ADCY2: variants seen among roughly 807,000 people sequenced by gnomAD.
ADCY2 encodes adenylate cyclase 2.
ADCY2 carries 31 observed loss-of-function variants against 125.2 expected under a neutral mutation model. That is an observed-to-expected ratio of 0.25 (90% CI 0.19 to 0.33). The LOEUF (loss-of-function observed/expected upper bound fraction) is 0.33, where lower values mean the gene tolerates loss of function less well. ADCY2 is among the 10% of genes least tolerant of loss of function. ADCY2 has a pLI of 1.00. For missense variants in ADCY2, 904 were observed against 1,418.2 expected, an observed-to-expected ratio of 0.64 and a Z score of 5.82; for synonymous variants, 512 against 548.4, an observed-to-expected ratio of 0.93 and a Z score of 0.93.
intron 4 of ADCY2, among the ~76,000 whole-genome samples, chr5:7,644,676 T>C (rs1371345241): frequency 6.6e-6 from 1 of 152,166 alleles, no homozygotes; most frequent in Non-Finnish European, 1.5e-5. Context: ...TGTGAATGAC[T>C]ACACCTTTTT....
chr5:7,783,127 C>A (rs1385462058), intron 18 of ADCY2, among the ~76,000 whole-genome samples: 3 of 152,302 alleles, frequency 2.0e-5, no homozygotes, highest in South Asian at 2.1e-4. Flanking sequence ...CTGCAGGAAT[C>A]CACCTTTTCT....
chr5:7,732,545 G>T (rs1379399928), intron 14 of ADCY2, among the ~76,000 whole-genome samples: 1 of 152,060 alleles, frequency 6.6e-6, no homozygotes, highest in Non-Finnish European at 1.5e-5. Context: ...TCTCTTTCTT[G>T]CCTATTATCT....
intron 22 of ADCY2, among the ~76,000 whole-genome samples, chr5:7,808,297 G>A (rs1744820315): frequency 6.6e-6 from 1 of 152,134 alleles, no homozygotes. Context: ...TTATGCAGTG[G>A]CCTTCAAAGT....
At chr5:7,424,722 A>G (rs1380020258) in intron 2 of ADCY2, among the ~76,000 whole-genome samples, 1 of 152,238 alleles carries the variant, frequency 6.6e-6, no homozygotes, top group Admixed American at 6.5e-5. Flanking sequence ...ACATGAATCA[A>G]TAAGAGAAAT....
At chr5:7,398,402 A>G (rs993903217) in intron 1 of ADCY2, among the ~76,000 whole-genome samples, 1 of 152,124 alleles carries the variant, frequency 6.6e-6, no homozygotes. Context: ...TCTATATTCA[A>G]TTCCTTTATG....
intron 4 of ADCY2, among the ~76,000 whole-genome samples, chr5:7,637,876 T>C (rs16878871): frequency 0.042 from 6,403 of 152,248 alleles, 433 homozygotes; most frequent in African/African-American, 0.14. Context: ...AGTTTCAAGG[T>C]TGGGCAGTTT....
At chr5:7,769,652 A>G (rs1254779919) in intron 17 of ADCY2, among the ~76,000 whole-genome samples, 1 of 152,186 alleles carries the variant, frequency 6.6e-6, no homozygotes, top group Non-Finnish European at 1.5e-5. Flanking sequence ...ATTAGCTATA[A>G]AGATCTTTGC....
At chr5:7,580,138 A>G (rs1579594501) in intron 3 of ADCY2, among the ~76,000 whole-genome samples, 1 of 152,264 alleles carries the variant, frequency 6.6e-6, no homozygotes, top group Non-Finnish European at 1.5e-5. Context: ...AAAACTAACT[A>G]TGGGTACTAT....
chr5:7,442,334 G>A (rs1393960466), intron 2 of ADCY2, among the ~76,000 whole-genome samples: 2 of 152,168 alleles, frequency 1.3e-5, no homozygotes, highest in Non-Finnish European at 2.9e-5. Flanking sequence ...TTCTAGATTT[G>A]TCCATTTGCT....
At chr5:7,515,456 C>T (rs1342418175) in intron 2 of ADCY2, among the ~76,000 whole-genome samples, 1 of 152,194 alleles carries the variant, frequency 6.6e-6, no homozygotes, top group Non-Finnish European at 1.5e-5. Flanking sequence ...AGAACACGGG[C>T]TGCCCAAACT....
At chr5:7,683,067 T>C (rs1740394171) in intron 4 of ADCY2, among the ~76,000 whole-genome samples, 1 of 152,200 alleles carries the variant, frequency 6.6e-6, no homozygotes, top group East Asian at 1.9e-4. Flanking sequence ...AGCCTTTTTT[T>C]CCATGGACTG....
At chr5:7,494,635 T>C (rs1282014364) in intron 2 of ADCY2, among the ~76,000 whole-genome samples, 2 of 152,082 alleles carry the variant, frequency 1.3e-5, no homozygotes, top group African/African-American at 4.8e-5. Context: ...TCAAGGCTAG[T>C]GGGAGTGAAC....
At chr5:7,703,701 A>G (rs1741165406) in intron 7 of ADCY2, among the ~76,000 whole-genome samples, 1 of 152,202 alleles carries the variant, frequency 6.6e-6, no homozygotes. Context: ...TTGACTTGAC[A>G]GTGCAGGCTC....
chr5:7,557,201 A>ATATATATG, intron 3 of ADCY2, among the ~76,000 whole-genome samples: 3 of 140,062 alleles, frequency 2.1e-5, no homozygotes, highest in African/African-American at 7.9e-5. Context: ...TGATATATAT[A>ATATATATG]ACTCAAGTGA....
intron 15 of ADCY2, among the ~76,000 whole-genome samples, chr5:7,744,730 G>A (rs1455180236): frequency 1.3e-5 from 2 of 152,236 alleles, no homozygotes; most frequent in Admixed American, 6.5e-5. Flanking sequence ...GCCCCCATGG[G>A]CATTCTCAAG....
intron 4 of ADCY2, among the ~76,000 whole-genome samples, chr5:7,643,225 C>A (rs1738773014): frequency 6.6e-6 from 1 of 151,852 alleles, no homozygotes; most frequent in Admixed American, 6.6e-5. Flanking sequence ...AATGTCTATT[C>A]TAAAAATTTT....
intron 20 of ADCY2, chr5:7,798,743 C>G (rs1744504820): frequency 6.6e-6 from 1 of 152,100 alleles, no homozygotes; most frequent in Admixed American, 6.6e-5. Context: ...CCGTGCCTGG[C>G]TAATTTTTTG....
chr5:7,617,923 G>C (rs564735073), intron 3 of ADCY2, among the ~76,000 whole-genome samples: 2 of 152,228 alleles, frequency 1.3e-5, no homozygotes, highest in African/African-American at 4.8e-5. Flanking sequence ...AAAAGTTTTT[G>C]TTCTCCCCTT....
intron 2 of ADCY2, among the ~76,000 whole-genome samples, chr5:7,444,265 C>T (rs552533081): frequency 2.6e-5 from 4 of 151,890 alleles, no homozygotes; most frequent in African/African-American, 7.2e-5. Context: ...AGGCGCCCGC[C>T]ACCACGCCTG....
Sources: allele counts gnomAD v4.1 joint callset (sites outside exome capture counted in the v4.1 genomes callset), GRCh38; gene constraint gnomAD v4.1.1; transcripts MANE v1.5; gene names NCBI Gene and HGNC (gene_info 2026-07-23, HGNC 2026-07-21).